Variants in UNC5C observed in about 807,000 individuals in gnomAD.
UNC5C encodes netrin receptor UNC5C.
Under a neutral mutation model 99.8 loss-of-function variants are expected in UNC5C, and 47 were observed. The ratio of observed to expected loss-of-function variants is 0.47; its 90% CI spans 0.37 to 0.60. The LOEUF (loss-of-function observed/expected upper bound fraction) is 0.60. Among genes scored for constraint, UNC5C ranks in the 20% least tolerant of loss-of-function variants. UNC5C has a pLI of 0.00. For missense variants in UNC5C, 1,062 were observed against 1,165.9 expected (o/e 0.91, Z 1.30); for synonymous variants, 487 against 452.2 (o/e 1.08, Z -0.98).
At chr4:95,479,065 G>T (rs1721052036) in intron 1 of UNC5C, among the ~76,000 whole-genome samples, 1 of 151,904 alleles carries the variant, frequency 6.6e-6, no homozygotes, top group Non-Finnish European at 1.5e-5. Context: ...AGAACCATGA[G>T]CCAAATAAAT....
At chr4:95,332,593 C>T (rs12509789) in intron 2 of UNC5C, among the ~76,000 whole-genome samples, 58,728 of 150,232 alleles carry the variant, frequency 0.39, 13,240 homozygotes, top group East Asian at 0.83. Flanking sequence ...AAGACTTAAA[C>T]GTTAGACCTA....
chr4:95,481,547 G>A (rs548582123), intron 1 of UNC5C, among the ~76,000 whole-genome samples: 13 of 151,962 alleles, frequency 8.6e-5, no homozygotes, highest in African/African-American at 2.7e-4. Flanking sequence ...AGCCCACATC[G>A]CCAAGTCAAT....
chr4:95,230,747 A>T (rs1257019102), intron 7 of UNC5C, among the ~76,000 whole-genome samples: 2 of 151,612 alleles, frequency 1.3e-5, no homozygotes, highest in African/African-American at 4.9e-5. Context: ...TGCTTCTGGC[A>T]TCCAAGATCC....
chr4:95,166,355 A>G lies in UNC5C; in HGVS notation c.*2879T>C, dbSNP rs982490171. On this transcript the variant is annotated 3_prime_UTR_variant, in exon 16 of 16. Transcript: ENST00000453304. ...GTAGTGAAAATTATTTGGTATAAAT[A>G]GTGTATGTATGGAAGTTGTCATTCA... 6.6e-6 allele frequency: 1 copy of G among 152,254 alleles called. No individual in the cohort carries two copies. Among genetic ancestry groups the G allele is most frequent in the South Asian group, 2.1e-4 (1 of 4,838 alleles). The allele number at this position is 152,254 out of a possible 1,614,324, so 9.4% of individuals were successfully genotyped here.
At chr4:95,406,994 A>G (rs1745848244) in intron 1 of UNC5C, among the ~76,000 whole-genome samples, 1 of 152,186 alleles carries the variant, frequency 6.6e-6, no homozygotes, top group South Asian at 2.1e-4. Context: ...GGCTTCAAGA[A>G]GGAGGTATAA....
chr4:95,416,292 G>T (rs1332284829), intron 1 of UNC5C, among the ~76,000 whole-genome samples: 1 of 152,040 alleles, frequency 6.6e-6, no homozygotes, highest in Non-Finnish European at 1.5e-5. Flanking sequence ...GTGAGGAAGT[G>T]CTTACATCGT....
At position 95,460,197 on chromosome 4, in the gene UNC5C, GT is replaced by G. The variant is rs5860408; in HGVS notation, c.124+88536del. 8.5e-4 allele frequency among the ~76,000 whole-genome samples: 117 copies of G among 137,370 alleles called. 1 individual carries two copies. The highest frequency in any genetic ancestry group is 1.8e-3 in the African/African-American group (65 of 36,940). 90.1% of individuals were successfully genotyped at this position (137,370 alleles called of 152,430 possible). The stretch of plus-strand genomic sequence containing the variant: ...TGGTGGATGGAACTGTCCATGTGGT[GT>G]TTTTTTTTTTTTTGGTGTTTTTCGT... On this transcript the variant is annotated intron_variant, in intron 1 of 15. Transcript: ENST00000453304.
intron 1 of UNC5C, among the ~76,000 whole-genome samples, chr4:95,362,367 A>G (rs1341123193): frequency 6.6e-6 from 1 of 152,106 alleles, no homozygotes; most frequent in East Asian, 1.9e-4. Flanking sequence ...GGAGAAAATG[A>G]TTGCTGAAAG....
chr4:95,462,081 T>C (rs1747619503), intron 1 of UNC5C, among the ~76,000 whole-genome samples: 1 of 152,152 alleles, frequency 6.6e-6, no homozygotes, highest in South Asian at 2.1e-4. Context: ...GGCTATATGC[T>C]GAAATACCAT....
intron 1 of UNC5C, among the ~76,000 whole-genome samples, chr4:95,493,383 C>T (rs563748930): frequency 6.6e-6 from 1 of 151,444 alleles, no homozygotes; most frequent in Admixed American, 6.6e-5. Context: ...GGAAAGATGG[C>T]AGGAAATATG....
intron 1 of UNC5C, among the ~76,000 whole-genome samples, chr4:95,476,510 G>A (rs1192399866): frequency 6.6e-6 from 1 of 151,868 alleles, no homozygotes; most frequent in African/African-American, 2.4e-5. Flanking sequence ...TTTAGAACTG[G>A]GGTGTCCTTT....
intron 3 of UNC5C, among the ~76,000 whole-genome samples, chr4:95,287,603 C>G (rs4699840): frequency 6.6e-6 from 1 of 151,962 alleles, no homozygotes; most frequent in African/African-American, 2.4e-5. Context: ...TAACTGACCA[C>G]GATATTCTTT....
intron 4 of UNC5C, among the ~76,000 whole-genome samples, chr4:95,264,668 C>G (rs1740375235): frequency 6.6e-6 from 1 of 152,262 alleles, no homozygotes; most frequent in East Asian, 1.9e-4. Flanking sequence ...TATTCCCAAT[C>G]CCTCTCTATG....
chr4:95,429,504 G>C (rs1450720533), intron 1 of UNC5C, among the ~76,000 whole-genome samples: 1 of 151,746 alleles, frequency 6.6e-6, no homozygotes, highest in African/African-American at 2.4e-5. Context: ...CAGCTATTTG[G>C]CAATCAAAAA....
chr4:95,322,616 A>G (rs1742731291), intron 2 of UNC5C, among the ~76,000 whole-genome samples: 1 of 152,162 alleles, frequency 6.6e-6, no homozygotes, highest in African/African-American at 2.4e-5. Context: ...GATATTGAAT[A>G]TAAGACTGTG....
At chr4:95,352,186 G>C (rs949020576) in intron 1 of UNC5C, among the ~76,000 whole-genome samples, 24 of 152,034 alleles carry the variant, frequency 1.6e-4, no homozygotes, top group Non-Finnish European at 2.9e-4. Flanking sequence ...TCCTTACTAA[G>C]GCCGAAAAGA....
intron 1 of UNC5C, among the ~76,000 whole-genome samples, chr4:95,382,876 C>G (rs912617699): frequency 2.0e-5 from 3 of 152,188 alleles, no homozygotes; most frequent in Non-Finnish European, 4.4e-5. Flanking sequence ...GTCCAAATTA[C>G]ACTGCTACTG....
chr4:95,531,399 A>G (rs1329507320), intron 1 of UNC5C, among the ~76,000 whole-genome samples: 1 of 152,190 alleles, frequency 6.6e-6, no homozygotes, highest in Non-Finnish European at 1.5e-5. Context: ...ACCAGTGCAC[A>G]GCTCTCTGCG....
chr4:95,295,146 A>G (rs1741628830), intron 3 of UNC5C, among the ~76,000 whole-genome samples: 1 of 152,198 alleles, frequency 6.6e-6, no homozygotes, highest in South Asian at 2.1e-4. Flanking sequence ...AAGACCTTGT[A>G]TGTTAATATT....
Sources: gnomAD v4.1 joint callset for allele counts (sites outside exome capture counted in the v4.1 genomes callset) on GRCh38, gnomAD v4.1.1 for gene constraint, MANE v1.5 for transcripts, NCBI Gene and HGNC (gene_info 2026-07-23, HGNC 2026-07-21) for gene names.